ANKRD13D: variants seen among roughly 807,000 people sequenced by gnomAD.
ANKRD13D encodes ankyrin repeat domain 13D, also known as ankyrin repeat domain-containing protein 13D.
A neutral mutation model predicts 68.8 loss-of-function variants in ANKRD13D; 24 were observed. That is an observed-to-expected ratio of 0.35 (90% CI 0.25 to 0.49). The LOEUF is 0.49. Ranked by LOEUF, ANKRD13D falls within the 20% of genes least tolerant of loss-of-function variation. The probability of loss-of-function intolerance (pLI) is 0.99; values close to 1 mark genes in which losing one functional copy is unlikely to be tolerated. For missense variants in ANKRD13D, 735 were observed against 832.1 expected, an observed-to-expected ratio of 0.88 and a Z score of 1.44; for synonymous variants, 331 against 336.1, an observed-to-expected ratio of 0.98 and a Z score of 0.16.
In ANKRD13D at chr11:67,291,372, AAAAG is replaced by A. The variant is rs1860536074; in HGVS notation, c.352-102_352-99del. 6.7e-6 allele frequency: 8 copies of A among 1,188,996 alleles called. 1 individual carries two copies. The highest frequency in any genetic ancestry group is 2.7e-5 in the Admixed American group (1 of 36,936). 73.7% of individuals were successfully genotyped at this position (1,188,996 alleles called of 1,614,324 possible). A position where few individuals can be genotyped will look rare whatever the true frequency, so the allele number is the denominator to read the frequency against. On this transcript the variant is annotated intron_variant, in intron 3 of 14. Coordinates refer to ENST00000511455, the MANE Select transcript of ANKRD13D (RefSeq NM_207354.3). ...GTCTCAAAAAAAAAAAAAAAAAAAA[AAAAG>A]ACCTGATGAAGGGCTGGGCTGGCTG... is the stretch of plus-strand genomic sequence containing the variant.
In ANKRD13D at chr11:67,291,976, C is replaced by T; in HGVS notation, c.542-15C>T. On this transcript the variant is annotated splice_polypyrimidine_tract_variant and intron_variant, in intron 5 of 14. Transcript: ENST00000511455. Reference sequence around the variant, plus strand: ...CTGATTTGCGCCCCCTCTGTCCACCCCTACCGGCCGGCAGAGGCAGGAGCC... The same window carrying T: ...CTGATTTGCGCCCCCTCTGTCCACCTCTACCGGCCGGCAGAGGCAGGAGCC... 1 of 1,565,954 alleles carries T rather than the reference C, an allele frequency of 6.4e-7. No homozygotes were observed. The highest frequency in any genetic ancestry group is 8.7e-7 in the Non-Finnish European group (1 of 1,151,466).
intron 5 of ANKRD13D, 72 bp downstream of exon 5, chr11:67,291,818 C>G (rs560527099): frequency 8.9e-6 from 14 of 1,573,980 alleles, no homozygotes; most frequent in Non-Finnish European, 1.1e-5. Flanking sequence ...ACGGTGCTGC[C>G]TTTTCTCTCC....
At position 67,292,184 on chromosome 11, in the gene ANKRD13D, G is replaced by T; in HGVS notation, c.731+4G>T. 6.3e-7 allele frequency: 1 copy of T among 1,580,534 alleles called. No homozygotes were observed. The highest frequency in any genetic ancestry group is 8.7e-7 in the Non-Finnish European group (1 of 1,155,142). On this transcript the variant is annotated splice_donor_region_variant and intron_variant, in intron 6 of 14. Transcript: ENST00000511455. ...CTCGTAATGTGGCCTTTGAGAGGTC[G>T]GTCGGGTCCTGGCACACCGTGGGTG...
chr11:67,302,094 T>G (rs1201400942), intron 14 of ANKRD13D, 25 bp from the exon 15 acceptor site: 1 of 1,520,228 alleles, frequency 6.6e-7, no homozygotes, highest in African/African-American at 1.4e-5. Context: ...TGGCCTGTTC[T>G]TCCCTCCCCT....
rs1444780895 is a variant in ANKRD13D, at chr11:67,302,482, G to GC, written c.*151dup. 23 of 1,242,308 alleles carry GC rather than the reference G, an allele frequency of 1.9e-5. 1 individual carries two copies. In the Admixed American group the frequency reaches 5.0e-4, roughly 27 times the overall value. 77.0% of individuals were successfully genotyped at this position (1,242,308 alleles called of 1,614,324 possible). A position where few individuals can be genotyped will look rare whatever the true frequency, so the allele number is the denominator to read the frequency against. ...AGATGGAAATAAAGAGACTGTCGCA[G>GC]CAGGGCTGCTCTGCTCACTGGGCTG... On this transcript the variant is annotated 3_prime_UTR_variant, in exon 15 of 15. Transcript: ENST00000511455.
intron 6 of ANKRD13D, among the ~76,000 whole-genome samples, chr11:67,296,241 A>G (rs1860751232): frequency 6.8e-6 from 1 of 147,276 alleles, no homozygotes. Context: ...GGAAAATGTC[A>G]CCTCTTTGTC....
chr11:67,299,131 GA>G lies in ANKRD13D; in HGVS notation c.798+8del, dbSNP rs1336600980. On this transcript the variant is annotated splice_region_variant and intron_variant, in intron 7 of 14. Transcript: ENST00000511455. The surrounding 1 kb of genome is among the most constrained non-coding windows in gnomAD (Gnocchi z 6.2). ...TAGCGGCTACGAGGCCAAGGCAGGA[GA>G]GGCTAGGGGTGGGGGGCTGGGGGTA... is the stretch of plus-strand genomic sequence containing the variant. 6.2e-7 allele frequency: 1 copy of G among 1,610,188 alleles called. No homozygotes were observed. The highest frequency in any genetic ancestry group is 1.3e-5 in the African/African-American group (1 of 74,830).
Position 67,290,662 on chromosome 11 carries a change from C to T in ANKRD13D, c.351+216C>T, listed in dbSNP as rs187644391. On this transcript the variant is annotated intron_variant, in intron 3 of 14. Coordinates refer to ENST00000511455, the MANE Select transcript of ANKRD13D (RefSeq NM_207354.3). Reference sequence around the variant, plus strand: ...AGACTGGACCCTTTGGAAGAGAAGCCTTGCCAGCTTTGGGCCTCCTGAAGA... The same window carrying T: ...AGACTGGACCCTTTGGAAGAGAAGCTTTGCCAGCTTTGGGCCTCCTGAAGA... 1.7e-5 allele frequency: 11 copies of T among 664,656 alleles called. 2 individuals are homozygous for T. Among genetic ancestry groups the T allele is most frequent in the African/African-American group, 1.4e-4 (8 of 55,410 alleles). The allele number at this position is 664,656 out of a possible 1,614,324, so 41.2% of individuals were successfully genotyped here. A position where few individuals can be genotyped will look rare whatever the true frequency, so the allele number is the denominator to read the frequency against.
rs974386270 is a variant in ANKRD13D at position 67,299,272 on chromosome 11, C to T, written c.798+148C>T. On this transcript the variant is annotated intron_variant, in intron 7 of 14. Transcript: ENST00000511455. This position sits in a 1 kb window ranked among gnomAD's most constrained non-coding sequence, Gnocchi z 6.2. ...AGCGGGCCTGAGTGCCCAGCCCCTGCGGAGTACACAGGGCTCACCCACATC... is the reference window on the plus strand; with the variant it reads ...AGCGGGCCTGAGTGCCCAGCCCCTGTGGAGTACACAGGGCTCACCCACATC... 7.7e-5 allele frequency: 74 copies of T among 962,892 alleles called. No homozygotes were observed. The highest frequency in any genetic ancestry group is 8.4e-5 in the Non-Finnish European group (53 of 630,408). The allele number at this position is 962,892 out of a possible 1,614,324, so 59.6% of individuals were successfully genotyped here. A position where few individuals can be genotyped will look rare whatever the true frequency, so the allele number is the denominator to read the frequency against.
In ANKRD13D at chr11:67,302,272, C is replaced by G. The variant is rs771180296; in HGVS notation, c.1758C>G (p.Arg586=). The change falls in exon 15 of 15, where the codon CGC becomes CGG. Residue 586 remains arginine (R), a synonymous_variant. Transcript: ENST00000511455. Reference sequence around the variant, plus strand: ...GGGAGCAGGAGGAGCGGGAGCGGCGCGGGCAGCAGGAGGAGGAGGACTTAC... The same window carrying G: ...GGGAGCAGGAGGAGCGGGAGCGGCGGGGGCAGCAGGAGGAGGAGGACTTAC... The part of the protein sequence containing the change: ...SSREQEERER[R]GQQEEEDLQR... 10 of 1,568,222 alleles carry G rather than the reference C, an allele frequency of 6.4e-6. No individual in the cohort carries two copies. The highest frequency in any genetic ancestry group is 7.8e-6 in the Non-Finnish European group (9 of 1,156,038).
chr11:67,295,878 CCCTTCATCAGGTTAAGGTAATT>C (rs1378372257), intron 6 of ANKRD13D, among the ~76,000 whole-genome samples: 1 of 152,168 alleles, frequency 6.6e-6, no homozygotes, highest in African/African-American at 2.4e-5. Flanking sequence ...TTGGTAGATA[CCCTTCATCAGGTTAAGGTAATT>C]CCTTTCCATT....
At position 67,299,721 on chromosome 11, in the gene ANKRD13D, T is replaced by C. The variant is rs1181617081; in HGVS notation, c.881-106T>C. 9.1e-6 allele frequency: 14 copies of C among 1,531,420 alleles called. No individual in the cohort carries two copies. The highest frequency in any genetic ancestry group is 1.4e-5 in the African/African-American group (1 of 73,198). The allele number at this position is 1,531,420 out of a possible 1,614,324, so 94.9% of individuals were successfully genotyped here. ...AGGATGAGCTGGGAGGCCTCCCCATTCCCGTCTGACCCCTCTTCCCCCAGA... is the reference window on the plus strand; with the variant it reads ...AGGATGAGCTGGGAGGCCTCCCCATCCCCGTCTGACCCCTCTTCCCCCAGA... On this transcript the variant is annotated intron_variant, in intron 8 of 14. Transcript: ENST00000511455. This position sits in a 1 kb window ranked among gnomAD's most constrained non-coding sequence, Gnocchi z 6.2.
rs1297853640 is a variant in ANKRD13D, at chr11:67,300,788, T to A, written c.1074-202T>A. On this transcript the variant is annotated intron_variant, in intron 10 of 14. Transcript: ENST00000511455. The surrounding 1 kb of genome is among the most constrained non-coding windows in gnomAD (Gnocchi z 4.3). ...TACGAAATCCTCAGGAGCCCCAGCC[T>A]GGGCCCAGGGAGGAGGGCAGCTTGG... 11 of 624,638 alleles carry A rather than the reference T, an allele frequency of 1.8e-5. No homozygotes were observed. The highest frequency in any genetic ancestry group is 3.0e-5 in the Non-Finnish European group (11 of 364,302). 38.7% of individuals were successfully genotyped at this position (624,638 alleles called of 1,614,324 possible). A position where few individuals can be genotyped will look rare whatever the true frequency, so the allele number is the denominator to read the frequency against.
Position 67,289,380 on chromosome 11 carries a change from G to A in ANKRD13D, c.-81G>A, listed in dbSNP as rs1860432445. On this transcript the variant is annotated 5_prime_UTR_variant, in exon 1 of 15. Coordinates refer to ENST00000511455, the MANE Select transcript of ANKRD13D (RefSeq NM_207354.3). ...CGGGGGCCGCGGGGGGCGCAGCTGG[G>A]GCGCGGCTCGGAGGGGAGGCTAGGG... 1 of 1,065,378 alleles carries A rather than the reference G, an allele frequency of 9.4e-7. No homozygotes were observed. The highest frequency in any genetic ancestry group is 4.7e-5 in the Admixed American group (1 of 21,302). 66.0% of individuals were successfully genotyped at this position (1,065,378 alleles called of 1,614,324 possible).
chr11:67,301,346 GC>G lies in ANKRD13D; in HGVS notation c.1300del (p.Leu434Ter). 1 of 1,613,754 alleles carries G rather than the reference GC, an allele frequency of 6.2e-7. No individual in the cohort carries two copies. Among genetic ancestry groups the G allele is most frequent in the Non-Finnish European group, 8.5e-7 (1 of 1,179,914 alleles). ...TCAGCAACCTGTGTGGCTGTGATGA[GC>G]CCCTGAGCTCCGTGTGGGTGCCGGC... The part of the protein sequence containing the change: ...TFSNLCGCDE[P>X]LSSVWVPAPS... On this transcript the variant is annotated frameshift_variant, in exon 12 of 15. Coordinates refer to ENST00000511455, the MANE Select transcript of ANKRD13D (RefSeq NM_207354.3). LOFTEE classifies it high-confidence loss of function. The surrounding 1 kb of genome is among the most constrained non-coding windows in gnomAD (Gnocchi z 4.5).
chr11:67,296,923 A>G (rs2136529724), intron 6 of ANKRD13D, among the ~76,000 whole-genome samples: 1 of 152,202 alleles, frequency 6.6e-6, no homozygotes, highest in East Asian at 1.9e-4. Context: ...CCCCCAGCCA[A>G]GTCTTCTCTC....
intron 6 of ANKRD13D, among the ~76,000 whole-genome samples, chr11:67,294,581 C>G (rs963654972): frequency 2.7e-5 from 4 of 150,418 alleles, no homozygotes; most frequent in African/African-American, 7.4e-5. Context: ...CACTCTATTG[C>G]CCAGGCTGGA....
chr11:67,294,486 C>T (rs1364739964), intron 6 of ANKRD13D, among the ~76,000 whole-genome samples: 3 of 151,698 alleles, frequency 2.0e-5, no homozygotes, highest in East Asian at 1.9e-4. Flanking sequence ...GTAAGCTTTG[C>T]ACTTTTGTTA....
Position 67,299,186 on chromosome 11 carries a change from C to T in ANKRD13D, c.798+62C>T. The T allele has an allele frequency of 3.8e-6, 6 of 1,577,964 alleles. No individual in the cohort carries two copies. Among genetic ancestry groups the T allele is most frequent in the Non-Finnish European group, 5.2e-6 (6 of 1,150,882 alleles). ...GATGAGGTCCAGGAACTCAGCTCCTCTCCACATCCATCCCAGAGTAGCCCC... is the reference window on the plus strand; with the variant it reads ...GATGAGGTCCAGGAACTCAGCTCCTTTCCACATCCATCCCAGAGTAGCCCC... On this transcript the variant is annotated intron_variant, in intron 7 of 14. Transcript: ENST00000511455. The surrounding 1 kb of genome is among the most constrained non-coding windows in gnomAD (Gnocchi z 6.2).
Sources: allele counts gnomAD v4.1 joint callset (sites outside exome capture counted in the v4.1 genomes callset), GRCh38; gene constraint gnomAD v4.1.1; non-coding constraint Gnocchi (gnomAD v3.1); transcripts MANE v1.5; gene names NCBI Gene and HGNC (gene_info 2026-07-23, HGNC 2026-07-21).